Variants in CDKL4 observed in about 807,000 individuals in gnomAD.
CDKL4 encodes the protein cyclin-dependent kinase-like 4.
A neutral mutation model predicts 42.0 loss-of-function variants in CDKL4; 44 were observed. The ratio of observed to expected loss-of-function variants is 1.05; its 90% CI spans 0.82 to 1.35. The LOEUF (loss-of-function observed/expected upper bound fraction) is 1.35, where lower values mean the gene tolerates loss of function less well. CDKL4 is among the 40% of genes most tolerant of loss of function. The probability of loss-of-function intolerance (pLI) is 0.00; values close to 1 mark genes in which losing one functional copy is unlikely to be tolerated. For synonymous variants in CDKL4, 120 were observed against 121.6 expected (o/e 0.99, Z 0.09); for missense variants, 393 against 369.9 (o/e 1.06, Z -0.51).
intron 2 of CDKL4, among the ~76,000 whole-genome samples, chr2:39,228,243 G>C (rs1197448484): frequency 1.3e-5 from 2 of 152,188 alleles, no homozygotes; most frequent in Non-Finnish European, 2.9e-5. Flanking sequence ...GCTTAGCTCA[G>C]TGAGGGTGCC....
intron 3 of CDKL4, among the ~76,000 whole-genome samples, chr2:39,213,889 TTTTTGTTTTG>T (rs70954795): frequency 0.033 from 4,911 of 148,556 alleles, 156 homozygotes; most frequent in East Asian, 0.2. Context: ...CTCTGTACTT[TTTTTGTTTTG>T]TTTTGTTTTG....
chr2:39,244,980 G>A (rs1371806606), upstream of CDKL4, among the ~76,000 whole-genome samples: 1 of 152,106 alleles, frequency 6.6e-6, no homozygotes, highest in African/African-American at 2.4e-5. Context: ...AAACCTTTAT[G>A]TCTAGCTCAG....
intron 1 of CDKL4, among the ~76,000 whole-genome samples, chr2:39,232,938 A>G (rs1679155045): frequency 6.7e-6 from 1 of 149,950 alleles, no homozygotes; most frequent in South Asian, 2.1e-4. Context: ...CCAGCTACTC[A>G]GGAGGCTGAG....
chr2:39,178,714 T>G (rs374791020), intron 9 of CDKL4: 1 of 1,609,294 alleles, frequency 6.2e-7, no homozygotes, highest in African/African-American at 1.3e-5. Flanking sequence ...ACCTGGCAGA[T>G]CTTGGTTTTG....
chr2:39,204,594 A>G (rs1677054324), exon 5 of CDKL4: 1 of 1,586,622 alleles, frequency 6.3e-7, no homozygotes, highest in South Asian at 1.1e-5. Flanking sequence ...GAATATTTTC[A>G]GGTTTTATAT....
chr2:39,192,320 TG>T (rs1676235954), intron 5 of CDKL4, among the ~76,000 whole-genome samples: 2 of 152,296 alleles, frequency 1.3e-5, no homozygotes, highest in South Asian at 4.1e-4. Context: ...GTTAATCTTT[TG>T]GTGTATTTTG....
rs373716720 is a variant in CDKL4 at position 39,204,622 on chromosome 2, A to T, written c.364-5T>A. 5.1e-6 allele frequency: 7 copies of T among 1,376,384 alleles called. No homozygotes were observed. The South Asian group carries it at 8.4e-5, about 17-fold the overall frequency. The allele number at this position is 1,376,384 out of a possible 1,614,324, so 85.3% of individuals were successfully genotyped here. A position where few individuals can be genotyped will look rare whatever the true frequency, so the allele number is the denominator to read the frequency against. On this transcript the variant is annotated splice_region_variant and splice_polypyrimidine_tract_variant and intron_variant, in intron 4 of 9. Transcript: ENST00000451199. ...TTTTATATCTCTGTGAATACACTGT[A>T]AGATCATTATTTGATTATTTTTCTG...
rs70954795 is a variant in CDKL4 at position 39,213,889 on chromosome 2, T to TTTTTGTTTTG, written c.291-427_291-418dup. 2.3e-3 allele frequency among the ~76,000 whole-genome samples: 341 copies of TTTTTGTTTTG among 148,584 alleles called. 1 individual carries two copies. The highest frequency in any genetic ancestry group is 3.8e-3 in the Non-Finnish European group (260 of 67,652). On this transcript the variant is annotated intron_variant, in intron 3 of 9. Coordinates refer to ENST00000451199, the Ensembl canonical transcript of CDKL4. The stretch of plus-strand genomic sequence containing the variant: ...TCTCTCCCTGTCTCTCTCTGTACTT[T>TTTTTGTTTTG]TTTTGTTTTGTTTTGTTTTGTTTTG...
rs188487126 is a variant in CDKL4, at chr2:39,181,591, T to C, written c.793-2270A>G. 1.2e-3 allele frequency among the ~76,000 whole-genome samples: 178 copies of C among 152,276 alleles called. 1 individual carries two copies. Among genetic ancestry groups the C allele is most frequent in the Non-Finnish European group, 2.4e-3 (163 of 68,016 alleles). ...CCCAGGACCTCAGAATGTTACCTTA[T>C]TTGGAAATAAGTTCTTTGCAGATGT... On this transcript the variant is annotated intron_variant, in intron 8 of 9. Coordinates refer to ENST00000451199, the Ensembl canonical transcript of CDKL4.
intron 9 of CDKL4, among the ~76,000 whole-genome samples, chr2:39,176,754 T>C (rs1675185130): frequency 6.6e-6 from 1 of 152,212 alleles, no homozygotes; most frequent in Admixed American, 6.5e-5. Context: ...ATAGCTAGAA[T>C]ATTGGCAGAA....
At chr2:39,231,127 T>A (rs7569441) in intron 1 of CDKL4, among the ~76,000 whole-genome samples, 2 of 152,060 alleles carry the variant, frequency 1.3e-5, no homozygotes, top group South Asian at 2.1e-4. Context: ...CAGGAGAATC[T>A]CTTGAACCCT....
intron 5 of CDKL4, among the ~76,000 whole-genome samples, chr2:39,197,236 G>A (rs1676570643): frequency 6.6e-6 from 1 of 152,132 alleles, no homozygotes; most frequent in African/African-American, 2.4e-5. Flanking sequence ...GAACTTCAGC[G>A]CTTGAAGACC....
chr2:39,193,686 T>C (rs1466290286), intron 5 of CDKL4, among the ~76,000 whole-genome samples: 1 of 152,078 alleles, frequency 6.6e-6, no homozygotes, highest in Admixed American at 6.6e-5. Context: ...GTTTATAAAA[T>C]TGTTAAAGAA....
At chr2:39,182,093 C>T (rs1454834098) in intron 8 of CDKL4, among the ~76,000 whole-genome samples, 6 of 152,094 alleles carry the variant, frequency 3.9e-5, no homozygotes, top group Non-Finnish European at 8.8e-5. Flanking sequence ...GCAATCCTCC[C>T]GCCTTAGCCT....
chr2:39,190,561 A>C (rs1026354656), intron 5 of CDKL4, 59 bp from the exon 6 acceptor site: 38 of 1,437,382 alleles, frequency 2.6e-5, no homozygotes, highest in Non-Finnish European at 3.6e-5. Context: ...AACTGCTCCC[A>C]AGAACACATC....
intron 4 of CDKL4, among the ~76,000 whole-genome samples, chr2:39,210,037 G>C (rs569142426): frequency 1.2e-4 from 19 of 152,266 alleles, no homozygotes; most frequent in Non-Finnish European, 2.2e-4. Flanking sequence ...GCCCAGGCTG[G>C]AGTACAGTGG....
chr2:39,177,628 C>T (rs1675221070), intron 9 of CDKL4, among the ~76,000 whole-genome samples: 1 of 150,722 alleles, frequency 6.6e-6, no homozygotes, highest in Admixed American at 6.6e-5. Flanking sequence ...TGGTCTTAAA[C>T]TCCTGACCGA....
At chr2:39,204,391 G>T in intron 5 of CDKL4, 136 bp downstream of exon 5, 1 of 654,540 alleles carries the variant, frequency 1.5e-6, no homozygotes, top group African/African-American at 1.9e-5. Context: ...CTGACTAAAA[G>T]GCTAAAGTGA....
chr2:39,220,317 C>T (rs921157761), intron 3 of CDKL4, among the ~76,000 whole-genome samples: 7 of 152,080 alleles, frequency 4.6e-5, no homozygotes, highest in African/African-American at 7.2e-5. Flanking sequence ...TGGGGATGCC[C>T]GCTCTCTTCA....
Sources: gnomAD v4.1 joint callset for allele counts (sites outside exome capture counted in the v4.1 genomes callset) on GRCh38, gnomAD v4.1.1 for gene constraint, MANE v1.5 for transcripts, NCBI Gene and HGNC (gene_info 2026-07-23, HGNC 2026-07-21) for gene names.